Variants in P2RY12 observed in about 807,000 individuals in gnomAD.
P2RY12 encodes the protein P2Y purinoceptor 12.
Under a neutral mutation model 4.5 loss-of-function variants are expected in P2RY12, and 3 were observed. The observed-to-expected ratio is 0.67, with a 90% CI of 0.31 to 1.74. P2RY12 has a LOEUF of 1.74. Ranked by LOEUF, P2RY12 falls within the 40% of genes most tolerant of loss-of-function variation. The pLI, the probability that P2RY12 is intolerant of heterozygous loss-of-function variation, is 0.09. For synonymous variants in P2RY12, 148 were observed against 154.1 expected (o/e 0.96, Z 0.29); for missense variants, 356 against 407.8 (o/e 0.87, Z 1.09).
At position 151,355,318 on chromosome 3, in the gene P2RY12, T is replaced by C. The variant is rs534450237; in HGVS notation, c.-179-14558A>G. On this transcript the variant is annotated intron_variant, in intron 1 of 2. Transcript: ENST00000302632. ...AATTTTTTTCATGCAGTATATTTTC[T>C]CAACCTTAATGGTTTTAGACATATA... The C allele has an allele frequency of 5.1e-4, 449 of 872,258 alleles. 4 individuals carry two copies. Among genetic ancestry groups the C allele is most frequent in the Admixed American group, 3.3e-3 (147 of 44,730 alleles). The allele number at this position is 872,258 out of a possible 1,614,324, so 54.0% of individuals were successfully genotyped here.
At chr3:151,367,510 T>C in intron 1 of P2RY12, 7 of 676,712 alleles carry the variant, frequency 1.0e-5, no homozygotes, top group Non-Finnish European at 1.6e-5. Context: ...CATCATGATA[T>C]GTTATCATTT....
chr3:151,352,808 G>T (rs1753399587), intron 1 of P2RY12, among the ~76,000 whole-genome samples: 1 of 151,804 alleles, frequency 6.6e-6, no homozygotes, highest in Non-Finnish European at 1.5e-5. Context: ...TATTAGTGAA[G>T]TTTACTATGA....
chr3:151,368,769 T>A (rs1343369342), intron 1 of P2RY12, among the ~76,000 whole-genome samples: 4 of 143,776 alleles, frequency 2.8e-5, no homozygotes, highest in Admixed American at 7.1e-5. Flanking sequence ...CATTTTTTTT[T>A]TTTTTTTTCC....
chr3:151,376,872 C>T (rs2108072133), intron 1 of P2RY12: 1 of 1,613,726 alleles, frequency 6.2e-7, no homozygotes, highest in East Asian at 2.2e-5. Context: ...CTTGAAGGAC[C>T]CTGTGAGTTT....
chr3:151,338,005 C>G lies in P2RY12; in HGVS notation c.841G>C (p.Glu281Gln), dbSNP rs1157349113. 6.2e-7 allele frequency: 1 copy of G among 1,614,132 alleles called. No homozygotes were observed. The highest frequency in any genetic ancestry group is 2.2e-5 in the East Asian group (1 of 44,878). ...AAGGAAGTTAACCACAGAGTGCTCT[C>G]TTTCACATAGAACAGAGTATTTTCA... Reference protein sequence around the residue: ...TAENTLFYVKESTLWLTSLNA... With the variant: ...TAENTLFYVKQSTLWLTSLNA... Residue 281 changes from glutamate to glutamine, a missense_variant, in exon 3 of 3, where the codon GAG (glutamate) becomes CAG (glutamine). Physicochemically the swap from Glu to Gln is conservative, Grantham distance 29. Transcript: ENST00000302632.
chr3:151,366,690 G>A (rs10513394), intron 1 of P2RY12, among the ~76,000 whole-genome samples: 13,684 of 152,154 alleles, frequency 0.09, 950 homozygotes, highest in East Asian at 0.33. Context: ...CCTCTCAGTT[G>A]AAGGTTGACT....
chr3:151,376,191 C>A, intron 1 of P2RY12: 1 of 1,593,748 alleles, frequency 6.3e-7, no homozygotes, highest in Non-Finnish European at 8.5e-7. Context: ...TCTGCAAAGA[C>A]AGCACATTAA....
intron 1 of P2RY12, among the ~76,000 whole-genome samples, chr3:151,358,000 C>T (rs1213665307): frequency 6.6e-6 from 1 of 152,160 alleles, no homozygotes; most frequent in Non-Finnish European, 1.5e-5. Context: ...TTTATCCACT[C>T]TCCAGGGCTT....
At chr3:151,375,477 G>C (rs374870555) in intron 1 of P2RY12, among the ~76,000 whole-genome samples, 4 of 152,088 alleles carry the variant, frequency 2.6e-5, no homozygotes, top group African/African-American at 7.2e-5. Flanking sequence ...ACTCACACTG[G>C]ACCCAGCAAT....
intron 1 of P2RY12, chr3:151,357,526 C>G: frequency 1.6e-6 from 1 of 641,822 alleles, no homozygotes; most frequent in Middle Eastern, 4.5e-4. Context: ...AAACATCGAT[C>G]AAAAAGGTCT....
At chr3:151,381,406 T>G (rs1712314611) in intron 1 of P2RY12, among the ~76,000 whole-genome samples, 1 of 152,190 alleles carries the variant, frequency 6.6e-6, no homozygotes. Flanking sequence ...AGGCCAGACA[T>G]GATTTGACAC....
intron 1 of P2RY12, among the ~76,000 whole-genome samples, chr3:151,343,686 G>A (rs1206401938): frequency 4.6e-5 from 7 of 152,148 alleles, no homozygotes; most frequent in Non-Finnish European, 8.8e-5. Flanking sequence ...ACTTTGGTTG[G>A]TTTGGTTATT....
At chr3:151,364,968 T>C (rs1014173326) in intron 1 of P2RY12, 1 of 1,596,078 alleles carries the variant, frequency 6.3e-7, no homozygotes, top group African/African-American at 1.3e-5. Flanking sequence ...CTTTTTTTCT[T>C]ATAACCTCAG....
chr3:151,355,781 C>G, intron 1 of P2RY12: 3 of 827,686 alleles, frequency 3.6e-6, no homozygotes, highest in South Asian at 2.5e-5. Flanking sequence ...TTTTGACTTT[C>G]GTCAAAGTAG....
Position 151,341,818 on chromosome 3 carries a change from A to G in P2RY12, c.-179-1058T>C, listed in dbSNP as rs570283786. Among the ~76,000 whole-genome samples, 276 of 151,782 alleles carry G rather than the reference A, an allele frequency of 1.8e-3. 1 individual carries two copies. The highest frequency in any genetic ancestry group is 3.0e-3 in the Non-Finnish European group (207 of 67,960). On this transcript the variant is annotated intron_variant, in intron 1 of 2. Coordinates refer to ENST00000302632, the MANE Select transcript of P2RY12 (RefSeq NM_022788.5). ...GTTCAGTTCCCACCTATGAGTGAGA[A>G]TATGTGGTGTTTGGTTTTTTGTTCT...
chr3:151,376,385 G>T (rs193163535), intron 1 of P2RY12, among the ~76,000 whole-genome samples: 1 of 152,202 alleles, frequency 6.6e-6, no homozygotes, highest in Non-Finnish European at 1.5e-5. Context: ...GGATGTACAT[G>T]CTGCAAATTG....
chr3:151,376,677 T>C, intron 1 of P2RY12: 1 of 786,054 alleles, frequency 1.3e-6, no homozygotes, highest in Non-Finnish European at 2.1e-6. Flanking sequence ...TTTTGACTCA[T>C]ATAAATTATT....
chr3:151,359,979 G>A (rs1327664787), intron 1 of P2RY12, among the ~76,000 whole-genome samples: 2 of 152,134 alleles, frequency 1.3e-5, no homozygotes, highest in Non-Finnish European at 1.5e-5. Context: ...ATACATAGGG[G>A]AATGTATACA....
In P2RY12 at chr3:151,338,823, G is replaced by A; in HGVS notation, c.23C>T (p.Thr8Ile). The change falls in exon 3 of 3, where the codon ACC becomes ATC. Residue 8 changes from threonine (T) to isoleucine (I), a missense_variant. Coordinates refer to ENST00000302632, the MANE Select transcript of P2RY12 (RefSeq NM_022788.5). MQAVDNL[T>I]SAPGNTSLCT... ...CAGACTGGTGTTACCAGGCGCAGAG[G>A]TGAGGTTGTCGACGGCTTGCATTTC... 6.2e-7 allele frequency: 1 copy of A among 1,613,838 alleles called. No individual in the cohort carries two copies. The highest frequency in any genetic ancestry group is 8.5e-7 in the Non-Finnish European group (1 of 1,179,850).
Sources: gnomAD v4.1 joint callset for allele counts (sites outside exome capture counted in the v4.1 genomes callset) on GRCh38, gnomAD v4.1.1 for gene constraint, MANE v1.5 for transcripts, NCBI Gene and HGNC (gene_info 2026-07-23, HGNC 2026-07-21) for gene names.